Variants in CTNND1 observed in about 807,000 individuals in gnomAD.
CTNND1 encodes the protein catenin delta-1.
Under a neutral mutation model 112.1 loss-of-function variants are expected in CTNND1, and 16 were observed. The observed-to-expected ratio is 0.14, with a 90% CI of 0.10 to 0.22. The LOEUF is 0.22. CTNND1 is among the 10% of genes least tolerant of loss of function. The pLI is 1.00. For missense variants in CTNND1, 1,008 were observed against 1,257.0 expected (o/e 0.80, Z 3.00); for synonymous variants, 420 against 446.5 (o/e 0.94, Z 0.75).
In CTNND1 at chr11:57,816,509, C is replaced by G; in HGVS notation, c.*201C>G. 1 of 616,540 alleles carries G rather than the reference C, an allele frequency of 1.6e-6. No individual in the cohort carries two copies. The highest frequency in any genetic ancestry group is 2.0e-5 in the South Asian group (1 of 48,972). The allele number at this position is 616,540 out of a possible 1,614,324, so 38.2% of individuals were successfully genotyped here. The stretch of plus-strand genomic sequence containing the variant: ...AAGTTTAATTGTCTCAACGCCTCCC[C>G]CTCCCCCATTCCCTCCATTTTTCTC... On this transcript the variant is annotated 3_prime_UTR_variant, in exon 21 of 21. Transcript: ENST00000399050.
chr11:57,796,496 C>G lies in CTNND1; in HGVS notation c.460C>G (p.Gln154Glu). The change falls in exon 6 of 21, where the codon CAG becomes GAG. Residue 154 changes from glutamine (Q) to glutamate (E), a missense_variant. Around this residue, in one of 5 missense-constraint regions of CTNND1, gnomAD observed 404 missense variants for 457.9 expected, o/e 0.88. Transcript: ENST00000399050. The stretch of plus-strand genomic sequence containing the variant: ...GAAGACTGTGACAACACGGACAGTA[C>G]AGCCAGTCGCTATGGGACCAGACGG... Reference protein sequence around the residue: ...VVKTVTTRTVQPVAMGPDGLP... With the variant: ...VVKTVTTRTVEPVAMGPDGLP... 1 of 1,613,402 alleles carries G rather than the reference C, an allele frequency of 6.2e-7. No homozygotes were observed. Among genetic ancestry groups the G allele is most frequent in the Non-Finnish European group, 8.5e-7 (1 of 1,179,538 alleles).
intron 1 of CTNND1, among the ~76,000 whole-genome samples, chr11:57,787,186 A>G (rs543310267): frequency 1.3e-5 from 2 of 152,318 alleles, no homozygotes; most frequent in Admixed American, 6.5e-5. Flanking sequence ...TAAGGCCTCA[A>G]ATACAGAATC....
At chr11:57,793,908 C>A in intron 3 of CTNND1, 102 bp from the exon 4 acceptor site, 1 of 1,143,450 alleles carries the variant, frequency 8.7e-7, no homozygotes, top group Non-Finnish European at 1.3e-6. Flanking sequence ...CCACACATAT[C>A]TTCTTGAAAG....
chr11:57,776,933 A>T (rs1031856857), intron 1 of CTNND1, among the ~76,000 whole-genome samples: 1 of 152,096 alleles, frequency 6.6e-6, no homozygotes, highest in African/African-American at 2.4e-5. Flanking sequence ...CTCCCCTACT[A>T]AAAGCTACTA....
rs1194723433 is a variant in CTNND1, at chr11:57,816,451, C to T, written c.*143C>T. 2.0e-6 allele frequency: 2 copies of T among 980,222 alleles called. No individual in the cohort carries two copies. The highest frequency in any genetic ancestry group is 3.2e-6 in the Non-Finnish European group (2 of 634,884). The allele number at this position is 980,222 out of a possible 1,614,324, so 60.7% of individuals were successfully genotyped here. On this transcript the variant is annotated 3_prime_UTR_variant, in exon 21 of 21. Transcript: ENST00000399050. ...TGCCCTTACAGCCCTAAGTGGCTGC[C>T]TTCTTTCCATCAACTCCCAACTTCT...
intron 1 of CTNND1, among the ~76,000 whole-genome samples, chr11:57,775,042 T>G (rs1278957591): frequency 1.3e-5 from 2 of 150,530 alleles, no homozygotes; most frequent in African/African-American, 4.9e-5. Flanking sequence ...TTTTAAGACA[T>G]GAATTCCCAG....
rs1413235209 is a variant in CTNND1 at position 57,802,127 on chromosome 11, G to C, written c.1351G>C (p.Asp451His). The change falls in exon 7 of 21, where the codon GAT (aspartate) becomes CAT (histidine). Residue 451 changes from aspartate (D) to histidine (H), a missense_variant. Physicochemically the swap from Asp to His is moderately conservative, Grantham distance 81. Around this residue, in one of 5 missense-constraint regions of CTNND1, gnomAD observed 216 missense variants for 342.8 expected, o/e 0.63. Coordinates refer to ENST00000399050, the MANE Select transcript of CTNND1 (RefSeq NM_001085458.2). ...QDNKIAIKNCDGVPALVRLLR... is the reference protein window; with the variant it reads ...QDNKIAIKNCHGVPALVRLLR... ...TAACAAGATTGCCATAAAAAACTGT[G>C]ATGGTGTGCCTGCCCTTGTGCGATT... 1 of 1,614,006 alleles carries C rather than the reference G, an allele frequency of 6.2e-7. No homozygotes were observed. Among genetic ancestry groups the C allele is most frequent in the Admixed American group, 1.7e-5 (1 of 60,010 alleles).
At chr11:57,800,098 TATA>T (rs2061837715) in intron 6 of CTNND1, among the ~76,000 whole-genome samples, 1 of 151,542 alleles carries the variant, frequency 6.6e-6, no homozygotes, top group Non-Finnish European at 1.5e-5. Flanking sequence ...CATGGTATTT[TATA>T]ATGTTAGTAA....
rs2061401867 is a variant in CTNND1 at position 57,796,850 on chromosome 11, C to T, written c.814C>T (p.Leu272=). 1 of 1,611,906 alleles carries T rather than the reference C, an allele frequency of 6.2e-7. No individual in the cohort carries two copies. Among genetic ancestry groups the T allele is most frequent in the Non-Finnish European group, 8.5e-7 (1 of 1,178,564 alleles). ...TCGGGTAGGTGGGAGCAGCGTGGAT[C>T]TGCATCGCTTTCATCCAGAGCCTTA... The part of the protein sequence containing the change: ...QVRVGGSSVD[L]HRFHPEPYGL... The change falls in exon 6 of 21, where the codon CTG becomes TTG. Residue 272 remains leucine, a synonymous_variant. Coordinates refer to ENST00000399050, the MANE Select transcript of CTNND1 (RefSeq NM_001085458.2).
At chr11:57,764,528 T>C (rs2135850903) in intron 1 of CTNND1, among the ~76,000 whole-genome samples, 1 of 152,300 alleles carries the variant, frequency 6.6e-6, no homozygotes, top group Non-Finnish European at 1.5e-5. Flanking sequence ...TCCTTCTATT[T>C]TGGTACCCTG....
chr11:57,772,133 T>G (rs1952833273), intron 1 of CTNND1, among the ~76,000 whole-genome samples: 1 of 146,668 alleles, frequency 6.8e-6, no homozygotes, highest in African/African-American at 2.5e-5. Flanking sequence ...GGTTTTTCCC[T>G]GTTGCCCAGG....
chr11:57,790,809 C>T (rs1227129478), intron 2 of CTNND1, among the ~76,000 whole-genome samples: 2 of 152,092 alleles, frequency 1.3e-5, no homozygotes, highest in Admixed American at 6.6e-5. Flanking sequence ...CCGCCTGCTT[C>T]GGCCTCCCAA....
In CTNND1 at chr11:57,788,491, T is replaced by C. The variant is rs1173309156; in HGVS notation, c.-213-546T>C. Among the ~76,000 whole-genome samples the C allele has an allele frequency of 1.3e-5, 2 of 152,162 alleles. No individual in the cohort carries two copies. The highest frequency in any genetic ancestry group is 2.9e-5 in the Non-Finnish European group (2 of 68,022). ...TGCTTGCTGACTTCTGCATACACTC[T>C]AAGCCAAACAGGCCCGGGCATTTGT... On this transcript the variant is annotated intron_variant, in intron 1 of 20. Transcript: ENST00000399050. This position sits in a 1 kb window ranked among gnomAD's most constrained non-coding sequence, Gnocchi z 4.1.
intron 12 of CTNND1, among the ~76,000 whole-genome samples, chr11:57,807,415 G>A (rs999384081): frequency 2.0e-5 from 3 of 152,018 alleles, no homozygotes; most frequent in African/African-American, 4.8e-5. Context: ...AGACCAGCCT[G>A]GCCAACATGG....
chr11:57,769,285 G>C (rs1951960248), intron 1 of CTNND1, among the ~76,000 whole-genome samples: 1 of 151,526 alleles, frequency 6.6e-6, no homozygotes, highest in Admixed American at 6.6e-5. Context: ...TCATGTCATT[G>C]CACCCCAGCC....
intron 6 of CTNND1, 151 bp from the exon 7 acceptor site, chr11:57,801,582 T>C (rs1024090083): frequency 1.7e-6 from 1 of 572,366 alleles, no homozygotes; most frequent in Non-Finnish European, 3.0e-6. Context: ...TTGAGGAAAA[T>C]TGATCAGTAT....
At chr11:57,800,468 A>G (rs1472391916) in intron 6 of CTNND1, among the ~76,000 whole-genome samples, 1 of 151,922 alleles carries the variant, frequency 6.6e-6, no homozygotes, top group Non-Finnish European at 1.5e-5. Flanking sequence ...GTGTTTTTCC[A>G]TGTTGGCCAT....
At chr11:57,792,521 A>G (rs551143061) in intron 3 of CTNND1, among the ~76,000 whole-genome samples, 114 of 152,346 alleles carry the variant, frequency 7.5e-4, no homozygotes, top group African/African-American at 2.7e-3. Flanking sequence ...GAACCAGAAC[A>G]GTACTCATGC....
At chr11:57,810,262 T>A (rs752217811) in intron 16 of CTNND1, 39 bp downstream of exon 16, 2 of 1,449,694 alleles carry the variant, frequency 1.4e-6, no homozygotes, top group Non-Finnish European at 1.9e-6. Context: ...TACTTTTTTT[T>A]TCTTGGTCCC....
Sources: gnomAD v4.1 joint callset for allele counts (sites outside exome capture counted in the v4.1 genomes callset) on GRCh38, gnomAD v4.1.1 for gene constraint, gnomAD v4.1.1 regional missense constraint, Gnocchi (gnomAD v3.1) non-coding constraint, MANE v1.5 for transcripts, NCBI Gene and HGNC (gene_info 2026-07-23, HGNC 2026-07-21) for gene names.